Variants in ADAM10 observed in about 807,000 individuals in gnomAD.
The protein encoded by ADAM10 is disintegrin and metalloproteinase domain-containing protein 10.
A neutral mutation model predicts 90.1 loss-of-function variants in ADAM10; 17 were observed. The ratio of observed to expected loss-of-function variants is 0.19; its 90% CI spans 0.13 to 0.28. The LOEUF (loss-of-function observed/expected upper bound fraction) is 0.28, where lower values mean the gene tolerates loss of function less well. Among genes scored for constraint, ADAM10 ranks in the 10% least tolerant of loss-of-function variants. The pLI is 1.00. For missense variants in ADAM10, 610 were observed against 914.3 expected (o/e 0.67, Z 4.29); for synonymous variants, 310 against 298.6 (o/e 1.04, Z -0.40).
chr15:58,637,506 C>T (rs951130787), intron 8 of ADAM10, among the ~76,000 whole-genome samples: 2 of 152,190 alleles, frequency 1.3e-5, no homozygotes, highest in African/African-American at 4.8e-5. Flanking sequence ...CAGTCCATTG[C>T]TCTTCCCATT....
At chr15:58,717,265 G>T (rs907145698) in intron 2 of ADAM10, among the ~76,000 whole-genome samples, 4 of 152,072 alleles carry the variant, frequency 2.6e-5, no homozygotes, top group African/African-American at 9.7e-5. Context: ...TAGATATATT[G>T]ACCATAAAAC....
chr15:58,670,649 T>G (rs1897171206), intron 4 of ADAM10, among the ~76,000 whole-genome samples: 1 of 152,114 alleles, frequency 6.6e-6, no homozygotes, highest in Non-Finnish European at 1.5e-5. Context: ...ATATGAGATC[T>G]GAAGGGCTAT....
At chr15:58,709,369 G>C (rs1477796723) in intron 2 of ADAM10, among the ~76,000 whole-genome samples, 1 of 152,064 alleles carries the variant, frequency 6.6e-6, no homozygotes, top group East Asian at 1.9e-4. Context: ...CAATATATAG[G>C]CTTTTCTACT....
chr15:58,654,377 T>C (rs1896759697), intron 5 of ADAM10, among the ~76,000 whole-genome samples: 1 of 152,174 alleles, frequency 6.6e-6, no homozygotes, highest in African/African-American at 2.4e-5. Flanking sequence ...CGTTGTGTTA[T>C]GTTGTGTTTT....
At chr15:58,679,811 G>A (rs1415257848) in intron 3 of ADAM10, among the ~76,000 whole-genome samples, 8 of 152,150 alleles carry the variant, frequency 5.3e-5, no homozygotes, top group African/African-American at 1.9e-4. Context: ...AGGAGGCTGA[G>A]GCAGAAGAAT....
At chr15:58,744,980 C>T (rs138244530) in intron 1 of ADAM10, among the ~76,000 whole-genome samples, 83 of 152,294 alleles carry the variant, frequency 5.4e-4, no homozygotes, top group South Asian at 2.7e-3. Context: ...GTCAGGAGTT[C>T]GAGACCAGTC....
rs1206704967 is a variant in ADAM10 at position 58,725,186 on chromosome 15, T to C, written c.56-7459A>G. 3.3e-5 allele frequency among the ~76,000 whole-genome samples: 5 copies of C among 151,956 alleles called. 1 individual carries two copies. The highest frequency in any genetic ancestry group is 2.6e-4 in the Admixed American group (4 of 15,256). On this transcript the variant is annotated intron_variant, in intron 1 of 15. Coordinates refer to ENST00000260408, the MANE Select transcript of ADAM10 (RefSeq NM_001110.4). ...GCCTGGGCAACAGAGCAAGACCCTG[T>C]CTCAAACAAAATAAATAAATAAATA...
chr15:58,622,317 C>T lies in ADAM10; in HGVS notation c.1361-696G>A, dbSNP rs28415195. Among the ~76,000 whole-genome samples, 853 of 152,304 alleles carry T rather than the reference C, an allele frequency of 5.6e-3. 14 individuals carry two copies. Among genetic ancestry groups the T allele is most frequent in the African/African-American group, 0.019 (794 of 41,560 alleles). On this transcript the variant is annotated intron_variant, in intron 10 of 15. Coordinates refer to ENST00000260408, the MANE Select transcript of ADAM10 (RefSeq NM_001110.4). ...CAGCCAAGCCATGTTCAATTTTCCT[C>T]AAATGTCTCTTTACAATTTGTTGCT...
chr15:58,722,542 AAAAAG>A (rs1273565140), intron 1 of ADAM10, among the ~76,000 whole-genome samples: 66 of 151,070 alleles, frequency 4.4e-4, no homozygotes, highest in African/African-American at 1.3e-3. Flanking sequence ...CAAAAAAAAA[AAAAAG>A]AAAAGAACTG....
Position 58,692,533 on chromosome 15 carries a change from T to G in ADAM10, c.207-10219A>C, listed in dbSNP as rs772657791. ...CTCTTCCTCATCATCACTGATTTCC[T>G]TCTCTGGTTCCTTCTCCAAATAAAC... On this transcript the variant is annotated intron_variant, in intron 2 of 15. Coordinates refer to ENST00000260408, the MANE Select transcript of ADAM10 (RefSeq NM_001110.4). 1.1e-5 allele frequency: 6 copies of G among 526,736 alleles called. No homozygotes were observed. The East Asian group carries it at 3.2e-4, about 28-fold the overall frequency. 32.6% of individuals were successfully genotyped at this position (526,736 alleles called of 1,614,324 possible).
At chr15:58,733,569 G>T (rs1366325918) in intron 1 of ADAM10, among the ~76,000 whole-genome samples, 1 of 152,168 alleles carries the variant, frequency 6.6e-6, no homozygotes. Flanking sequence ...GATGTGCACA[G>T]GTTATATGCA....
At chr15:58,729,431 T>C (rs929144388) in intron 1 of ADAM10, among the ~76,000 whole-genome samples, 1 of 152,186 alleles carries the variant, frequency 6.6e-6, no homozygotes, top group Non-Finnish European at 1.5e-5. Flanking sequence ...GGGGAAAGTG[T>C]TAGCAATGCA....
At chr15:58,612,319 C>T (rs1347438323) in intron 11 of ADAM10, among the ~76,000 whole-genome samples, 2 of 152,158 alleles carry the variant, frequency 1.3e-5, no homozygotes, top group African/African-American at 4.8e-5. Flanking sequence ...AGTTGAGGAG[C>T]TGTGCATTCC....
chr15:58,727,414 C>T (rs1451767970), intron 1 of ADAM10, among the ~76,000 whole-genome samples: 3 of 152,032 alleles, frequency 2.0e-5, no homozygotes, highest in Non-Finnish European at 4.4e-5. Flanking sequence ...TGGTCTCAGA[C>T]CCCTGACCTC....
At chr15:58,697,198 G>T (rs942591653) in intron 2 of ADAM10, among the ~76,000 whole-genome samples, 5 of 152,312 alleles carry the variant, frequency 3.3e-5, no homozygotes, top group African/African-American at 1.2e-4. Context: ...TGACCCTGCT[G>T]CCCCAAGCAG....
intron 8 of ADAM10, among the ~76,000 whole-genome samples, chr15:58,638,633 A>G (rs1165574196): frequency 1.3e-5 from 2 of 151,160 alleles, no homozygotes; most frequent in East Asian, 3.9e-4. Flanking sequence ...AAAAAAAAAA[A>G]AAGAAAATAC....
chr15:58,710,773 A>T (rs1353082885), intron 2 of ADAM10, among the ~76,000 whole-genome samples: 2 of 152,122 alleles, frequency 1.3e-5, no homozygotes, highest in African/African-American at 2.4e-5. Flanking sequence ...ACACCATTCA[A>T]ATTTATTCCC....
At chr15:58,676,870 T>A (rs1897313499) in intron 4 of ADAM10, among the ~76,000 whole-genome samples, 1 of 152,178 alleles carries the variant, frequency 6.6e-6, no homozygotes, top group Non-Finnish European at 1.5e-5. Flanking sequence ...CCCATGCTTA[T>A]TTATTTATGT....
At chr15:58,684,537 A>G (rs1430542442) in intron 2 of ADAM10, among the ~76,000 whole-genome samples, 1 of 152,256 alleles carries the variant, frequency 6.6e-6, no homozygotes, top group Non-Finnish European at 1.5e-5. Context: ...AGATCTGATC[A>G]GCTTCCAGGG....
Sources: gnomAD v4.1 joint callset for allele counts (sites outside exome capture counted in the v4.1 genomes callset) on GRCh38, gnomAD v4.1.1 for gene constraint, MANE v1.5 for transcripts, NCBI Gene and HGNC (gene_info 2026-07-23, HGNC 2026-07-21) for gene names.